POM121C: variants seen among roughly 807,000 people sequenced by gnomAD.
POM121C encodes the protein POM121 transmembrane nucleoporin C.
POM121C carries 20 observed loss-of-function variants against 66.4 expected under a neutral mutation model. That is an observed-to-expected ratio of 0.30 (90% confidence interval 0.21 to 0.44). The LOEUF (loss-of-function observed/expected upper bound fraction) is 0.44, where lower values mean the gene tolerates loss of function less well. Among genes scored for constraint, POM121C ranks in the 20% least tolerant of loss-of-function variants. POM121C has a pLI of 1.00. For synonymous variants in POM121C, 286 were observed against 528.0 expected (o/e 0.54, Z 6.28); for missense variants, 580 against 1,225.7 (o/e 0.47, Z 7.87).
Position 75,464,945 on chromosome 7 carries a change from G to C in POM121C, c.-152+9759C>G, listed in dbSNP as rs199768030. On this transcript the variant is annotated intron_variant, in intron 3 of 14. Coordinates refer to ENST00000615331, the MANE Select transcript of POM121C (RefSeq NM_001099415.3). ...CGAATTCATTAGAGCAGATGGAAGA[G>C]AGAGTCATTGAACACATGAAGACAG... is the stretch of plus-strand genomic sequence containing the variant. Among the ~76,000 whole-genome samples, 6 of 146,650 alleles carry C rather than the reference G, an allele frequency of 4.1e-5. No individual in the cohort carries two copies. The South Asian group carries it at 8.5e-4, about 21-fold the overall frequency.
chr7:75,484,640 G>T (rs1358184236), intron 1 of POM121C, among the ~76,000 whole-genome samples: 1 of 121,520 alleles, frequency 8.2e-6, no homozygotes, highest in African/African-American at 3.1e-5. Flanking sequence ...TTGCATTCCA[G>T]ACTGGGTGAG....
chr7:75,448,274 A>G (rs1327431388), intron 3 of POM121C, among the ~76,000 whole-genome samples: 1 of 152,054 alleles, frequency 6.6e-6, no homozygotes, highest in Non-Finnish European at 1.5e-5. Context: ...TTCATCACCA[A>G]CAAACACAGT....
In POM121C at chr7:75,419,680, C is replaced by A. The variant is rs1554470344; in HGVS notation, c.2744-238G>T. The stretch of plus-strand genomic sequence containing the variant: ...CACGCCAGGGCAGAGAAAAAGCCCC[C>A]CTGCCCCGCAGCCACCTCGTGGGCC... On this transcript the variant is annotated intron_variant, in intron 13 of 14. Coordinates refer to ENST00000615331, the MANE Select transcript of POM121C (RefSeq NM_001099415.3). The A allele has an allele frequency of 5.7e-6, 3 of 529,698 alleles. No homozygotes were observed. In the African/African-American group the frequency reaches 5.9e-5, roughly 10 times the overall value. The allele number at this position is 529,698 out of a possible 1,614,324, so 32.8% of individuals were successfully genotyped here.
intron 3 of POM121C, among the ~76,000 whole-genome samples, chr7:75,451,061 C>T (rs587700233): frequency 6.6e-6 from 1 of 152,310 alleles, no homozygotes; most frequent in East Asian, 1.9e-4. Flanking sequence ...ATTCCATGCT[C>T]ATGGATAGGA....
Position 75,481,030 on chromosome 7 carries a change from A to AAAAT in POM121C, c.-458+4833_-458+4834insATTT, listed in dbSNP as rs1363095854. ...ATACCCACTCTCAAATAGTTCAAAAAATATATATATATATATAAATATATA... is the reference window on the plus strand; with the variant it reads ...ATACCCACTCTCAAATAGTTCAAAAAAAATATATATATATATATATAAATATATA... On this transcript the variant is annotated intron_variant, in intron 1 of 14. Transcript: ENST00000615331. 1.0e-3 allele frequency among the ~76,000 whole-genome samples: 138 copies of AAAAT among 137,038 alleles called. 1 individual carries two copies. Among genetic ancestry groups the AAAAT allele is most frequent in the African/African-American group, 1.8e-3 (70 of 38,542 alleles). The allele number at this position is 137,038 out of a possible 152,430, so 89.9% of individuals were successfully genotyped here.
intron 7 of POM121C, among the ~76,000 whole-genome samples, chr7:75,429,381 C>T (rs1227301432): frequency 6.6e-6 from 1 of 152,252 alleles, no homozygotes; most frequent in East Asian, 1.9e-4. Context: ...CCTATAATCC[C>T]AGCACTCTGG....
chr7:75,458,797 C>A (rs587625836), intron 3 of POM121C, among the ~76,000 whole-genome samples: 2 of 152,132 alleles, frequency 1.3e-5, no homozygotes, highest in South Asian at 4.2e-4. Context: ...AAAATCCGAA[C>A]CCAGAAAAAT....
At position 75,421,886 on chromosome 7, in the gene POM121C, C is replaced by G. The variant is rs782423352; in HGVS notation, c.2366G>C (p.Ser789Thr). 5 of 1,612,176 alleles carry G rather than the reference C, an allele frequency of 3.1e-6. No homozygotes were observed. The African/African-American group carries it at 6.7e-5, about 22-fold the overall frequency. The change falls in exon 13 of 15, where the codon AGC (serine) becomes ACC (threonine). Residue 789 changes from serine to threonine, a missense_variant. Coordinates refer to ENST00000615331, the MANE Select transcript of POM121C (RefSeq NM_001099415.3). ...GGAGCCGCCAAAGGCGGGCTGTGAG[C>G]TGGCGGGAGCGCCGAAGGCGGAAGC... The part of the protein sequence containing the change: ...ATASAFGAPA[S>T]SQPAFGGSTA...
chr7:75,457,150 A>AAAAT lies in POM121C; in HGVS notation c.-151-15507_-151-15504dup, dbSNP rs71305122. Among the ~76,000 whole-genome samples the AAAAT allele has an allele frequency of 6.5e-4, 81 of 123,976 alleles. 1 individual carries two copies. The highest frequency in any genetic ancestry group is 1.8e-3 in the South Asian group (7 of 3,950). The allele number at this position is 123,976 out of a possible 152,430, so 81.3% of individuals were successfully genotyped here. On this transcript the variant is annotated intron_variant, in intron 3 of 14. Transcript: ENST00000615331. ...CAACAGAGCCAGACTATTTCAATTA[A>AAAAT]AAATAAATAAATAAATAAATAAATA...
At chr7:75,421,251 C>T in intron 13 of POM121C, 1 of 1,106,210 alleles carries the variant, frequency 9.0e-7, no homozygotes, top group Non-Finnish European at 1.2e-6. Context: ...ATTGGGATTA[C>T]AAGCATGAGC....
intron 3 of POM121C, among the ~76,000 whole-genome samples, chr7:75,466,685 A>G (rs1791662719): frequency 1.3e-5 from 2 of 152,048 alleles, no homozygotes; most frequent in Non-Finnish European, 2.9e-5. Flanking sequence ...AAATCAATTA[A>G]ACCAAATGTT....
At chr7:75,484,216 C>T in intron 1 of POM121C, 2 of 1,609,666 alleles carry the variant, frequency 1.2e-6, no homozygotes, top group East Asian at 2.2e-5. Context: ...TGTTCATTTT[C>T]TGCTGCTCTT....
intron 3 of POM121C, among the ~76,000 whole-genome samples, chr7:75,463,134 C>T (rs1445165753): frequency 2.0e-5 from 3 of 152,026 alleles, no homozygotes; most frequent in Admixed American, 6.6e-5. Context: ...ACCAGCCTGG[C>T]CAACATAGTG....
At chr7:75,484,250 G>A (rs10252425) in intron 1 of POM121C, 18,122 of 1,606,768 alleles carry the variant, frequency 0.011, 124 homozygotes, top group African/African-American at 0.026. Flanking sequence ...GACTGTGGCT[G>A]ATAGACCTAG....
chr7:75,434,483 G>T (rs1386375384), intron 7 of POM121C, among the ~76,000 whole-genome samples: 1 of 151,804 alleles, frequency 6.6e-6, no homozygotes, highest in Admixed American at 6.6e-5. Flanking sequence ...TGCCATGTTG[G>T]TCAGGCTGGT....
intron 7 of POM121C, among the ~76,000 whole-genome samples, chr7:75,436,968 C>T (rs1185360918): frequency 6.6e-6 from 1 of 152,180 alleles, no homozygotes; most frequent in Non-Finnish European, 1.5e-5. Flanking sequence ...AAAGCCTGCT[C>T]TGTTCCTTAT....
At chr7:75,432,042 C>A (rs1767114883) in intron 7 of POM121C, among the ~76,000 whole-genome samples, 1 of 151,854 alleles carries the variant, frequency 6.6e-6, no homozygotes, top group Non-Finnish European at 1.5e-5. Flanking sequence ...TTGTTGGGCA[C>A]AGTGGCATGC....
In POM121C at chr7:75,439,137, C is replaced by G; in HGVS notation, c.308+7G>C. 1 of 1,614,184 alleles carries G rather than the reference C, an allele frequency of 6.2e-7. No homozygotes were observed. Among genetic ancestry groups the G allele is most frequent in the Non-Finnish European group, 8.5e-7 (1 of 1,179,996 alleles). On this transcript the variant is annotated splice_region_variant and intron_variant, in intron 6 of 14. Transcript: ENST00000615331. ...TTGGTATTTCATCTGGATGGACTCG[C>G]ACTTACTTAGGCACAAAAGAAGCGG...
intron 7 of POM121C, among the ~76,000 whole-genome samples, chr7:75,431,057 A>T (rs1554472275): frequency 7.6e-6 from 1 of 131,886 alleles, no homozygotes; most frequent in African/African-American, 2.8e-5. Context: ...GCCTGGTGAC[A>T]GAGCGAGACT....
Sources: allele counts gnomAD v4.1 joint callset (sites outside exome capture counted in the v4.1 genomes callset), GRCh38; gene constraint gnomAD v4.1.1; transcripts MANE v1.5; gene names NCBI Gene and HGNC (gene_info 2026-07-23, HGNC 2026-07-21).